SUPT3H: variants seen among roughly 807,000 people sequenced by gnomAD.
SUPT3H encodes transcription initiation protein SPT3 homolog.
A neutral mutation model predicts 44.3 loss-of-function variants in SUPT3H; 44 were observed. The ratio of observed to expected loss-of-function variants is 0.99; its 90% CI spans 0.78 to 1.28. The LOEUF (loss-of-function observed/expected upper bound fraction) is 1.28. SUPT3H is among the 50% of genes most tolerant of loss of function. The pLI, the probability that SUPT3H is intolerant of heterozygous loss-of-function variation, is 0.00. For missense variants in SUPT3H, 380 were observed against 387.1 expected (o/e 0.98, Z 0.15); for synonymous variants, 124 against 125.6 (o/e 0.99, Z 0.09).
chr6:45,162,451 A>G (rs2153601822), intron 2 of SUPT3H, among the ~76,000 whole-genome samples: 1 of 152,192 alleles, frequency 6.6e-6, no homozygotes, highest in East Asian at 1.9e-4. Flanking sequence ...TTAAGCCCAG[A>G]GGTTTGAGGC....
At chr6:44,835,138 G>T in intron 10 of SUPT3H, among the ~76,000 whole-genome samples, 1 of 152,068 alleles carries the variant, frequency 6.6e-6, no homozygotes, top group East Asian at 1.9e-4. Flanking sequence ...CCTTCAGGGG[G>T]TTGATACACC....
intron 2 of SUPT3H, among the ~76,000 whole-genome samples, chr6:45,121,068 G>A (rs530331768): frequency 6.6e-6 from 1 of 152,186 alleles, no homozygotes; most frequent in South Asian, 2.1e-4. Flanking sequence ...TATATTCAGA[G>A]GGAAATATTC....
At chr6:45,180,524 A>T (rs1478931762) in intron 2 of SUPT3H, among the ~76,000 whole-genome samples, 1 of 145,402 alleles carries the variant, frequency 6.9e-6, no homozygotes, top group Admixed American at 6.8e-5. Context: ...ACAGAGATAT[A>T]GATCAATGGA....
At chr6:45,179,466 G>C (rs1045026449) in intron 2 of SUPT3H, among the ~76,000 whole-genome samples, 3 of 152,188 alleles carry the variant, frequency 2.0e-5, no homozygotes, top group Non-Finnish European at 4.4e-5. Flanking sequence ...GACCATTGAT[G>C]CAAAAATCCT....
chr6:44,820,052 G>C (rs1345256597), intron 11 of SUPT3H, among the ~76,000 whole-genome samples: 1 of 151,336 alleles, frequency 6.6e-6, no homozygotes, highest in Admixed American at 6.6e-5. Flanking sequence ...GTGAAACCCT[G>C]TCTCTACCAA....
chr6:44,995,719 C>T (rs1038222830), intron 6 of SUPT3H, among the ~76,000 whole-genome samples: 1 of 151,914 alleles, frequency 6.6e-6, no homozygotes, highest in Non-Finnish European at 1.5e-5. Flanking sequence ...AAAGCATATC[C>T]TTCAGCACCA....
At position 45,006,435 on chromosome 6, in the gene SUPT3H, T is replaced by C. The variant is rs149975163; in HGVS notation, c.365-2643A>G. On this transcript the variant is annotated intron_variant, in intron 5 of 10. Transcript: ENST00000371459. Reference sequence around the variant, plus strand: ...CCTTCCATTTCTTCTCATTGTTAATTTGAAATTGTAATATACTTTTCTATT... The same window carrying C: ...CCTTCCATTTCTTCTCATTGTTAATCTGAAATTGTAATATACTTTTCTATT... Among the ~76,000 whole-genome samples, 130 of 152,252 alleles carry C rather than the reference T, an allele frequency of 8.5e-4. 1 individual carries two copies. The highest frequency in any genetic ancestry group is 3.0e-3 in the African/African-American group (125 of 41,578).
chr6:45,254,607 G>C (rs898908410), intron 2 of SUPT3H, among the ~76,000 whole-genome samples: 2 of 152,088 alleles, frequency 1.3e-5, no homozygotes, highest in African/African-American at 4.8e-5. Flanking sequence ...TGTAGTATCA[G>C]GTAAAATGCC....
chr6:45,354,912 T>C (rs773318112), intron 2 of SUPT3H, among the ~76,000 whole-genome samples: 9 of 152,184 alleles, frequency 5.9e-5, no homozygotes, highest in Non-Finnish European at 8.8e-5. Context: ...GCTTTTGGTA[T>C]TTTTTAATTT....
intron 10 of SUPT3H, among the ~76,000 whole-genome samples, chr6:44,864,350 G>A (rs982106545): frequency 6.6e-6 from 1 of 152,180 alleles, no homozygotes; most frequent in Non-Finnish European, 1.5e-5. Flanking sequence ...CTACCATTCT[G>A]GAGTCTGGAG....
intron 2 of SUPT3H, among the ~76,000 whole-genome samples, chr6:45,113,686 A>G (rs1472268652): frequency 1.3e-5 from 2 of 152,036 alleles, no homozygotes; most frequent in African/African-American, 2.4e-5. Flanking sequence ...TTAGCTAGGC[A>G]TGGCATGGTG....
Position 45,093,382 on chromosome 6 carries a change from G to C in SUPT3H, c.186+12540C>G, listed in dbSNP as rs190491463. On this transcript the variant is annotated intron_variant, in intron 3 of 10. Coordinates refer to ENST00000371459, the MANE Select transcript of SUPT3H (RefSeq NM_003599.4). ...TCTTTAGAAGACGGCCTCACACATA[G>C]TAGATGTTTACTAACTGTTATTTTC... is the stretch of plus-strand genomic sequence containing the variant. 3.3e-5 allele frequency among the ~76,000 whole-genome samples: 5 copies of C among 152,172 alleles called. No homozygotes were observed. The East Asian group carries it at 9.6e-4, about 29-fold the overall frequency.
At chr6:45,168,592 T>A (rs927235542) in intron 2 of SUPT3H, among the ~76,000 whole-genome samples, 1 of 152,168 alleles carries the variant, frequency 6.6e-6, no homozygotes, top group South Asian at 2.1e-4. Flanking sequence ...GATCACACAG[T>A]AAATCAGTAA....
At chr6:44,814,112 G>GGGGCAACA (rs1766741044) in intron 11 of SUPT3H, among the ~76,000 whole-genome samples, 1 of 152,132 alleles carries the variant, frequency 6.6e-6, no homozygotes, top group South Asian at 2.1e-4. Flanking sequence ...TACCTTCACA[G>GGGGCAACA]GGGCAACAAC....
At chr6:45,357,869 T>C (rs190943441) in intron 2 of SUPT3H, among the ~76,000 whole-genome samples, 3 of 152,240 alleles carry the variant, frequency 2.0e-5, no homozygotes, top group East Asian at 1.9e-4. Context: ...GCTACAGTCA[T>C]AGGATTTTTC....
chr6:44,839,900 C>T (rs1770654266), intron 10 of SUPT3H, among the ~76,000 whole-genome samples: 1 of 152,230 alleles, frequency 6.6e-6, no homozygotes, highest in South Asian at 2.1e-4. Flanking sequence ...TGGGGTTTCA[C>T]CGTGTTAGCC....
intron 2 of SUPT3H, among the ~76,000 whole-genome samples, chr6:45,359,008 A>C (rs1793752664): frequency 6.6e-6 from 1 of 152,136 alleles, no homozygotes; most frequent in East Asian, 1.9e-4. Flanking sequence ...TTCATCACAG[A>C]ATTACTCAAA....
chr6:45,231,212 T>C (rs1470411000), intron 2 of SUPT3H, among the ~76,000 whole-genome samples: 1 of 152,182 alleles, frequency 6.6e-6, no homozygotes, highest in Non-Finnish European at 1.5e-5. Context: ...GTTTTCATAA[T>C]GGTAACTGTC....
At chr6:44,902,343 T>C (rs1189933969) in intron 10 of SUPT3H, among the ~76,000 whole-genome samples, 1 of 151,448 alleles carries the variant, frequency 6.6e-6, no homozygotes, top group African/African-American at 2.4e-5. Flanking sequence ...ACCAAGCAAA[T>C]GGAAAACAAA....
Sources: allele counts gnomAD v4.1 joint callset (sites outside exome capture counted in the v4.1 genomes callset), GRCh38; gene constraint gnomAD v4.1.1; transcripts MANE v1.5; gene names NCBI Gene and HGNC (gene_info 2026-07-23, HGNC 2026-07-21).